The following SMIM45 variants were observed in gnomAD, a reference collection of about 807,000 sequenced individuals.
SMIM45 encodes small integral membrane protein 45.
At chr22:41,953,738 CTG>C in the SMIM45 span, among the ~76,000 whole-genome samples, 1 of 114,066 alleles carries the variant, frequency 8.8e-6, no homozygotes, top group Non-Finnish European at 1.8e-5. Context: ...GATCTGTGAT[CTG>C]TTTTTTTTTT....
At chr22:41,958,483 G>GGGGAGA in the SMIM45 span, 2 of 356,102 alleles carry the variant, frequency 5.6e-6, no homozygotes, top group East Asian at 7.7e-5. Context: ...GGGTTGGTGA[G>GGGGAGA]GAGAGAGAGA....
the SMIM45 span, chr22:41,958,675 C>G: frequency 3.8e-6 from 1 of 266,484 alleles, no homozygotes; most frequent in Middle Eastern, 1.5e-3. Flanking sequence ...AGTTTCCTAG[C>G]CCTTCCCCCT....
the SMIM45 span, among the ~76,000 whole-genome samples, chr22:41,949,074 AAAAC>A: frequency 1.3e-4 from 20 of 151,958 alleles, no homozygotes; most frequent in Admixed American, 3.3e-4. Context: ...ACAAAAACAA[AAAAC>A]AAACAAACAA....
At chr22:41,953,515 G>T in the SMIM45 span, among the ~76,000 whole-genome samples, 5 of 152,210 alleles carry the variant, frequency 3.3e-5, no homozygotes, top group Non-Finnish European at 7.3e-5. Flanking sequence ...TAGTGAGCCT[G>T]TCTGGGCCTC....
At chr22:41,948,461 C>T in the SMIM45 span, among the ~76,000 whole-genome samples, 1 of 152,144 alleles carries the variant, frequency 6.6e-6, no homozygotes, top group Non-Finnish European at 1.5e-5. Context: ...TAGCCTAAAT[C>T]CTTCTTACTG....
chr22:41,947,666 GC>G, the SMIM45 span, among the ~76,000 whole-genome samples: 1 of 144,648 alleles, frequency 6.9e-6, no homozygotes, highest in Admixed American at 6.9e-5. Context: ...ACCGTGCCTG[GC>G]CCTTTTTTTT....
the SMIM45 span, among the ~76,000 whole-genome samples, chr22:41,957,124 C>T: frequency 7.2e-6 from 1 of 138,704 alleles, no homozygotes; most frequent in African/African-American, 2.6e-5. Context: ...GTCCCCATGG[C>T]GTGGGGATAG....
chr22:41,958,262 C>T, the SMIM45 span: 1 of 455,972 alleles, frequency 2.2e-6, no homozygotes, highest in Admixed American at 2.4e-5. Flanking sequence ...CTCATTTCTT[C>T]GTGAAGTCCC....
the SMIM45 span, chr22:41,952,402 TGGCATCTGCAG>T: frequency 6.6e-6 from 1 of 152,382 alleles, no homozygotes; most frequent in Non-Finnish European, 1.5e-5. Flanking sequence ...CCCCCGGAAC[TGGCATCTGCAG>T]GGCGTGAGGT....
chr22:41,953,325 G>A, the SMIM45 span, among the ~76,000 whole-genome samples: 1 of 152,080 alleles, frequency 6.6e-6, no homozygotes, highest in Non-Finnish European at 1.5e-5. Flanking sequence ...GCTTCTCTCC[G>A]ACCTACCTGG....
the SMIM45 span, chr22:41,946,997 G>A: frequency 5.9e-5 from 95 of 1,611,830 alleles, no homozygotes; most frequent in African/African-American, 9.9e-4. Context: ...ACCGGCGGGG[G>A]AAGCAGGGCC....
chr22:41,948,524 A>T, the SMIM45 span, among the ~76,000 whole-genome samples: 1 of 152,180 alleles, frequency 6.6e-6, no homozygotes, highest in Non-Finnish European at 1.5e-5. Context: ...AAATGGCCCC[A>T]TAGAGCCACT....
chr22:41,949,460 G>A, the SMIM45 span, among the ~76,000 whole-genome samples: 2 of 152,214 alleles, frequency 1.3e-5, no homozygotes, highest in African/African-American at 4.8e-5. Flanking sequence ...TGGCACTTCC[G>A]AGGCGTAGCA....
At chr22:41,951,604 G>T in the SMIM45 span, among the ~76,000 whole-genome samples, 2 of 152,214 alleles carry the variant, frequency 1.3e-5, no homozygotes, top group Non-Finnish European at 2.9e-5. Context: ...CAAGGGTCCT[G>T]AAAGCCAGGC....
the SMIM45 span, among the ~76,000 whole-genome samples, chr22:41,953,409 G>T: frequency 6.6e-6 from 1 of 152,190 alleles, no homozygotes; most frequent in African/African-American, 2.4e-5. Flanking sequence ...TCCTGCTCAG[G>T]TGCCTTTCCC....
the SMIM45 span, among the ~76,000 whole-genome samples, chr22:41,954,775 A>T: frequency 3.3e-5 from 5 of 151,792 alleles, no homozygotes; most frequent in African/African-American, 1.2e-4. Context: ...TGGGAGTCCG[A>T]GGTTAGGATC....
chr22:41,954,985 CAGAATG>C, the SMIM45 span, among the ~76,000 whole-genome samples: 1 of 152,004 alleles, frequency 6.6e-6, no homozygotes, highest in Non-Finnish European at 1.5e-5. Flanking sequence ...GCCTGGGCAA[CAGAATG>C]AGACTCTGTC....
the SMIM45 span, chr22:41,958,700 C>T: frequency 6.4e-5 from 15 of 234,956 alleles, no homozygotes; most frequent in Middle Eastern, 3.5e-3. Context: ...AAGACTGTGG[C>T]AGCAGGCAGG....
At chr22:41,954,422 G>T in the SMIM45 span, among the ~76,000 whole-genome samples, 1 of 152,040 alleles carries the variant, frequency 6.6e-6, no homozygotes, top group Non-Finnish European at 1.5e-5. Context: ...GGCCAGGCTG[G>T]TCTTGAACTC....
Sources: allele counts gnomAD v4.1 joint callset (sites outside exome capture counted in the v4.1 genomes callset), GRCh38; gene constraint gnomAD v4.1.1; transcripts MANE v1.5; gene names NCBI Gene and HGNC (gene_info 2026-07-23, HGNC 2026-07-21).